The following IFI16 variants were observed in gnomAD, a reference collection of about 807,000 sequenced individuals.
The protein encoded by IFI16 is gamma-interferon-inducible protein 16.
IFI16 carries 49 observed loss-of-function variants against 68.4 expected under a neutral mutation model. That is an observed-to-expected ratio of 0.72 (90% CI 0.57 to 0.91). IFI16 has a LOEUF of 0.91. Ranked by LOEUF, IFI16 falls within the 40% of genes least tolerant of loss-of-function variation. The pLI, the probability that IFI16 is intolerant of heterozygous loss-of-function variation, is 0.00. For synonymous variants in IFI16, 307 were observed against 315.0 expected, an observed-to-expected ratio of 0.97 and a Z score of 0.27; for missense variants, 878 against 942.9, an observed-to-expected ratio of 0.93 and a Z score of 0.90.
chr1:159,006,306 A>AT (rs1652256752), upstream of IFI16, among the ~76,000 whole-genome samples: 1 of 152,226 alleles, frequency 6.6e-6, no homozygotes, highest in South Asian at 2.1e-4. Flanking sequence ...AAATGCAATA[A>AT]TTCTACAGAA....
Position 159,033,570 on chromosome 1 carries a change from A to G in IFI16, c.1329+879A>G, listed in dbSNP as rs747410646. Among the ~76,000 whole-genome samples the G allele has an allele frequency of 3.3e-4, 51 of 152,330 alleles. 1 individual carries two copies. The highest frequency in any genetic ancestry group is 1.7e-3 in the Admixed American group (26 of 15,302). On this transcript the variant is annotated intron_variant, in intron 7 of 11. Coordinates refer to ENST00000295809, the MANE Select transcript of IFI16 (RefSeq NM_001376587.1). ...TCAGGAGGATGCTAATTCTGCCCCAATTCACAGAGAAGAAAATAGAGGTAC... is the reference window on the plus strand; with the variant it reads ...TCAGGAGGATGCTAATTCTGCCCCAGTTCACAGAGAAGAAAATAGAGGTAC...
chr1:159,022,026 C>G (rs577641974), intron 6 of IFI16, among the ~76,000 whole-genome samples: 1 of 127,980 alleles, frequency 7.8e-6, no homozygotes, highest in African/African-American at 2.9e-5. Context: ...TGCAGTGGCG[C>G]TATCTCGGCT....
rs111897562 is a variant in IFI16 at position 159,042,056 on chromosome 1, C to T, written c.1330-3241C>T. Among the ~76,000 whole-genome samples the T allele has an allele frequency of 3.2e-3, 495 of 152,312 alleles. 3 individuals are homozygous for T. Among genetic ancestry groups the T allele is most frequent in the African/African-American group, 0.011 (475 of 41,568 alleles). The stretch of plus-strand genomic sequence containing the variant: ...TCTGCTGCACCTAAACCTCCCTTAG[C>T]TTAGTAATCTCAGCCAGGATCATAT... On this transcript the variant is annotated intron_variant, in intron 7 of 11. Transcript: ENST00000295809.
At chr1:159,026,384 T>C (rs56374780) in intron 6 of IFI16, among the ~76,000 whole-genome samples, 44,974 of 151,096 alleles carry the variant, frequency 0.3, 9,361 homozygotes, top group African/African-American at 0.59. Context: ...CTGCAACCTC[T>C]GTCTCCCGGG....
At chr1:159,008,756 T>C (rs1046272224), upstream of IFI16, among the ~76,000 whole-genome samples, 2 of 152,210 alleles carry the variant, frequency 1.3e-5, no homozygotes, top group Admixed American at 1.3e-4. Context: ...CAGATCCTCT[T>C]TGCTTTTTCT....
chr1:159,051,958 C>T lies in IFI16; in HGVS notation c.1945C>T (p.Leu649Phe). Reference protein sequence around the residue: ...NGFLEVYPFTLVADVNADRNM... With the variant: ...NGFLEVYPFTFVADVNADRNM... ...GTTCCTGGAGGTATATCCTTTCACA[C>T]TTGTGGCTGATGTGAATGCTGACCG... is the stretch of plus-strand genomic sequence containing the variant. The change falls in exon 10 of 12, where the codon CTT becomes TTT. Residue 649 changes from leucine (L) to phenylalanine (F), a missense_variant. Physicochemically the swap from Leu to Phe is conservative, Grantham distance 22. Coordinates refer to ENST00000295809, the MANE Select transcript of IFI16 (RefSeq NM_001376587.1). The T allele has an allele frequency of 6.2e-7, 1 of 1,614,090 alleles. No homozygotes were observed. The highest frequency in any genetic ancestry group is 1.1e-5 in the South Asian group (1 of 91,086).
intron 7 of IFI16, among the ~76,000 whole-genome samples, chr1:159,037,376 A>T (rs570508017): frequency 4.9e-4 from 75 of 152,200 alleles, no homozygotes; most frequent in African/African-American, 1.7e-3. Context: ...TCTAAGATTC[A>T]CCAGCTGAGC....
intron 7 of IFI16, among the ~76,000 whole-genome samples, chr1:159,039,747 G>C (rs1654513550): frequency 6.6e-6 from 1 of 152,162 alleles, no homozygotes; most frequent in Non-Finnish European, 1.5e-5. Context: ...ATAGAATAAA[G>C]TCTTCTCAAG....
intron 9 of IFI16, among the ~76,000 whole-genome samples, chr1:159,051,354 G>A (rs1193161459): frequency 2.0e-5 from 3 of 152,144 alleles, no homozygotes; most frequent in Non-Finnish European, 4.4e-5. Context: ...TCACTTCATG[G>A]CAGCTTTGCC....
intron 7 of IFI16, among the ~76,000 whole-genome samples, chr1:159,042,361 T>C (rs931530904): frequency 8.5e-5 from 13 of 152,190 alleles, no homozygotes; most frequent in African/African-American, 3.1e-4. Flanking sequence ...ATAATTGCTA[T>C]TTTTTCCTGA....
At chr1:159,035,987 G>A (rs1654310577) in intron 7 of IFI16, among the ~76,000 whole-genome samples, 1 of 152,166 alleles carries the variant, frequency 6.6e-6, no homozygotes, top group African/African-American at 2.4e-5. Context: ...GTGAATAAGT[G>A]GCAGAAATGA....
At chr1:159,052,952 T>C (rs1234599290) in intron 10 of IFI16, 1 of 152,406 alleles carries the variant, frequency 6.6e-6, no homozygotes, top group Non-Finnish European at 1.5e-5. Flanking sequence ...TAAATGACTG[T>C]ACATATATAT....
intron 7 of IFI16, among the ~76,000 whole-genome samples, chr1:159,033,689 G>A (rs1654145628): frequency 6.6e-6 from 1 of 152,152 alleles, no homozygotes; most frequent in African/African-American, 2.4e-5. Context: ...AAAAATTAAT[G>A]ATTATATATG....
At chr1:159,015,150 G>A (rs1166919036) in intron 2 of IFI16, among the ~76,000 whole-genome samples, 2 of 150,844 alleles carry the variant, frequency 1.3e-5, no homozygotes, top group African/African-American at 4.9e-5. Flanking sequence ...ATTTCAGAAT[G>A]TATATTTGGG....
Position 159,016,610 on chromosome 1 carries a change from TC to T in IFI16, c.461del (p.Pro154LeufsTer40). On this transcript the variant is annotated frameshift_variant, in exon 4 of 12. Transcript: ENST00000295809. LOFTEE classifies it high-confidence loss of function. ...VSEEQTQPPS[P>X]AGAGMSTAMG... ...CCGAGGAACAGACTCAGCCTCCCTC[TC>T]CTGCAGGAGCCGGCATGTCCACAGC... 1 of 1,614,088 alleles carries T rather than the reference TC, an allele frequency of 6.2e-7. No individual in the cohort carries two copies. Among genetic ancestry groups the T allele is most frequent in the Non-Finnish European group, 8.5e-7 (1 of 1,179,982 alleles).
At chr1:159,024,023 G>A (rs1422071952) in intron 6 of IFI16, among the ~76,000 whole-genome samples, 1 of 152,208 alleles carries the variant, frequency 6.6e-6, no homozygotes, top group Non-Finnish European at 1.5e-5. Context: ...TCCATTTCTG[G>A]TCAATGAGGA....
chr1:159,040,810 C>A (rs1654585722), intron 7 of IFI16, among the ~76,000 whole-genome samples: 1 of 152,210 alleles, frequency 6.6e-6, no homozygotes, highest in South Asian at 2.1e-4. Flanking sequence ...TTCTTCATTA[C>A]AACCCCATAA....
chr1:159,031,009 A>T (rs530173695), intron 6 of IFI16, among the ~76,000 whole-genome samples: 4 of 152,016 alleles, frequency 2.6e-5, no homozygotes, highest in Admixed American at 2.6e-4. Context: ...GGGAAAGCTG[A>T]TGCTGCTGTG....
At chr1:159,027,659 TG>T (rs1342296929) in intron 6 of IFI16, among the ~76,000 whole-genome samples, 1 of 152,218 alleles carries the variant, frequency 6.6e-6, no homozygotes, top group Non-Finnish European at 1.5e-5. Context: ...CATCTGGTCC[TG>T]GGCTTTTCTT....
Sources: allele counts gnomAD v4.1 joint callset (sites outside exome capture counted in the v4.1 genomes callset), GRCh38; gene constraint gnomAD v4.1.1; transcripts MANE v1.5; gene names NCBI Gene and HGNC (gene_info 2026-07-23, HGNC 2026-07-21).